BMP1: variants seen among roughly 807,000 people sequenced by gnomAD.
BMP1 encodes mammalian tolloid protein.
BMP1 carries 63 observed loss-of-function variants against 116.8 expected under a neutral mutation model. The observed-to-expected ratio is 0.54, with a 90% CI of 0.44 to 0.67. The LOEUF (loss-of-function observed/expected upper bound fraction) is 0.67. Among genes scored for constraint, BMP1 ranks in the 30% least tolerant of loss-of-function variants. The pLI is 0.00. For synonymous variants in BMP1, 536 were observed against 533.4 expected, an observed-to-expected ratio of 1.00 and a Z score of -0.07; for missense variants, 1,183 against 1,358.9, an observed-to-expected ratio of 0.87 and a Z score of 2.04.
At chr8:22,206,808 GCTTGGGGTCC>G in intron 16 of BMP1, 36 bp from the exon 17 acceptor site, 1 of 1,612,402 alleles carries the variant, frequency 6.2e-7, no homozygotes, top group Non-Finnish European at 8.5e-7. Flanking sequence ...AGGCATCGGA[GCTTGGGGTCC>G]CTCTCTATCC....
At chr8:22,176,480 G>C in intron 3 of BMP1, 53 bp from the exon 4 acceptor site, 12 of 1,589,430 alleles carry the variant, frequency 7.5e-6, no homozygotes, top group Non-Finnish European at 1.0e-5. Flanking sequence ...GTGGTGGGTA[G>C]GGGGTGGGAC....
Position 22,195,562 on chromosome 8 carries a change from G to A in BMP1, c.1740G>A (p.Leu580=). Residue 580 remains leucine (L), a synonymous_variant, in exon 13 of 20, where the codon CTG becomes CTA. Transcript: ENST00000306385. ...YKCSCDPGYE[L]APDKRRCEAA... ...GCAGCTGTGACCCCGGGTACGAGCTGGCCCCAGACAAGCGCCGCTGTGAGG... is the reference window on the plus strand; with the variant it reads ...GCAGCTGTGACCCCGGGTACGAGCTAGCCCCAGACAAGCGCCGCTGTGAGG... 2 of 1,612,288 alleles carry A rather than the reference G, an allele frequency of 1.2e-6. No individual in the cohort carries two copies. The highest frequency in any genetic ancestry group is 1.7e-6 in the Non-Finnish European group (2 of 1,179,664).
intron 4 of BMP1, 153 bp downstream of exon 4, chr8:22,176,803 G>C (rs1828450886): frequency 1.0e-6 from 1 of 1,004,124 alleles, no homozygotes; most frequent in African/African-American, 1.6e-5. Context: ...CCCCTGTGCG[G>C]CTGTGACCTC....
At chr8:22,175,556 C>T (rs1411877708) in intron 2 of BMP1, among the ~76,000 whole-genome samples, 2 of 152,198 alleles carry the variant, frequency 1.3e-5, no homozygotes, top group Non-Finnish European at 2.9e-5. Flanking sequence ...CTGGTCACAA[C>T]ATTTTTGTCA....
chr8:22,168,136 C>T (rs1828170152), intron 1 of BMP1, among the ~76,000 whole-genome samples: 1 of 152,102 alleles, frequency 6.6e-6, no homozygotes. Context: ...GTAGTGAGGG[C>T]AAAATTAATA....
At chr8:22,165,899 G>GTGTA in intron 1 of BMP1, among the ~76,000 whole-genome samples, 1 of 122,760 alleles carries the variant, frequency 8.1e-6, no homozygotes, top group South Asian at 2.9e-4. Context: ...GTGTGTGTGT[G>GTGTA]TGTGTGTGTG....
chr8:22,193,316 G>C (rs1245537225), intron 9 of BMP1, among the ~76,000 whole-genome samples: 1 of 152,238 alleles, frequency 6.6e-6, no homozygotes, highest in Admixed American at 6.5e-5. Flanking sequence ...AAACATGTCT[G>C]TGAGGGCAGT....
At chr8:22,165,886 T>C (rs797022666) in intron 1 of BMP1, among the ~76,000 whole-genome samples, 13 of 106,756 alleles carry the variant, frequency 1.2e-4, no homozygotes, top group African/African-American at 2.9e-4. Flanking sequence ...TGCGTGCGTG[T>C]GTGTGTGTGT....
chr8:22,178,028 C>T, intron 6 of BMP1, 71 bp downstream of exon 6: 2 of 1,252,856 alleles, frequency 1.6e-6, no homozygotes, highest in African/African-American at 1.5e-5. Flanking sequence ...CTATTCTCCT[C>T]CTGCCTCCCA....
intron 1 of BMP1, among the ~76,000 whole-genome samples, chr8:22,167,696 C>T (rs531102755): frequency 4.6e-5 from 7 of 152,236 alleles, no homozygotes; most frequent in Non-Finnish European, 8.8e-5. Flanking sequence ...GCTGGTGGGG[C>T]GCTGGGCCAG....
intron 2 of BMP1, among the ~76,000 whole-genome samples, chr8:22,174,901 T>A (rs530082500): frequency 6.6e-6 from 1 of 152,248 alleles, no homozygotes; most frequent in African/African-American, 2.4e-5. Flanking sequence ...CCCAAAGTGC[T>A]GGAATTACAG....
In BMP1 at chr8:22,210,716, C is replaced by T. The variant is rs114770121; in HGVS notation, c.2827-878C>T. ...GGCTGGGACAAGGTGGAGCCTGAAGCAGCTTGGCTGCCCTGGTGTCCCCTG... is the reference window on the plus strand; with the variant it reads ...GGCTGGGACAAGGTGGAGCCTGAAGTAGCTTGGCTGCCCTGGTGTCCCCTG... On this transcript the variant is annotated intron_variant, in intron 19 of 19. Transcript: ENST00000306385. Among the ~76,000 whole-genome samples, 542 of 152,308 alleles carry T rather than the reference C, an allele frequency of 3.6e-3. 5 individuals carry two copies. Among genetic ancestry groups the T allele is most frequent in the African/African-American group, 0.012 (507 of 41,564 alleles).
rs924137142 is a variant in BMP1 at position 22,181,016 on chromosome 8, C to G, written c.1077+533C>G. ...CTTCCCGATTCTGACAGGCTCTAGTCCTGGGAACAATTAAGGAATGATGCA... is the reference window on the plus strand; with the variant it reads ...CTTCCCGATTCTGACAGGCTCTAGTGCTGGGAACAATTAAGGAATGATGCA... On this transcript the variant is annotated intron_variant, in intron 8 of 19. Coordinates refer to ENST00000306385, the MANE Select transcript of BMP1 (RefSeq NM_006129.5). Among the ~76,000 whole-genome samples the G allele has an allele frequency of 3.3e-5, 5 of 152,306 alleles. No individual in the cohort carries two copies. The East Asian group carries it at 9.6e-4, about 29-fold the overall frequency.
At chr8:22,185,714 C>T (rs560755875) in intron 8 of BMP1, among the ~76,000 whole-genome samples, 10 of 151,848 alleles carry the variant, frequency 6.6e-5, no homozygotes, top group African/African-American at 1.4e-4. Context: ...CTCTGCCCCC[C>T]GAGTTCAAGC....
intron 19 of BMP1, 134 bp from the exon 20 acceptor site, chr8:22,211,460 A>G (rs962877443): frequency 4.2e-5 from 53 of 1,269,218 alleles, no homozygotes; most frequent in Non-Finnish European, 5.2e-5. Context: ...AAGAAGCCCT[A>G]TGCTTCAAGG....
At chr8:22,204,987 T>G (rs1829326871) in intron 16 of BMP1, among the ~76,000 whole-genome samples, 1 of 152,056 alleles carries the variant, frequency 6.6e-6, no homozygotes, top group African/African-American at 2.4e-5. Flanking sequence ...GTGTGAGGGT[T>G]CCCACGCGTG....
intron 8 of BMP1, among the ~76,000 whole-genome samples, chr8:22,186,154 C>A (rs1319299969): frequency 1.3e-5 from 2 of 152,154 alleles, no homozygotes; most frequent in African/African-American, 4.8e-5. Flanking sequence ...ATTCTTAATA[C>A]CTTCCCCGAC....
intron 2 of BMP1, 136 bp from the exon 3 acceptor site, chr8:22,176,007 T>G: frequency 4.4e-6 from 4 of 911,242 alleles, no homozygotes; most frequent in Non-Finnish European, 6.5e-6. Flanking sequence ...AGAGTATTGA[T>G]TTTGGGGACT....
intron 18 of BMP1, 147 bp downstream of exon 18, chr8:22,207,663 C>A: frequency 2.1e-6 from 2 of 966,150 alleles, no homozygotes; most frequent in Non-Finnish European, 3.0e-6. Flanking sequence ...ACATTGTGTC[C>A]TGAGAACCAG....
Sources: gnomAD v4.1 joint callset for allele counts (sites outside exome capture counted in the v4.1 genomes callset) on GRCh38, gnomAD v4.1.1 for gene constraint, MANE v1.5 for transcripts, NCBI Gene and HGNC (gene_info 2026-07-23, HGNC 2026-07-21) for gene names.